Variants in SLC15A5 observed in about 807,000 individuals in gnomAD.
SLC15A5 encodes the protein solute carrier family 15 member 5.
In SLC15A5, 58 loss-of-function variants were observed where a neutral mutation model predicts 56.1. The observed-to-expected ratio is 1.03, with a 90% CI of 0.84 to 1.29. SLC15A5 has a LOEUF of 1.29. SLC15A5 is among the 50% of genes most tolerant of loss of function. The pLI, the probability that SLC15A5 is intolerant of heterozygous loss-of-function variation, is 0.00. For synonymous variants in SLC15A5, 264 were observed against 250.5 expected (o/e 1.05, Z -0.51); for missense variants, 681 against 672.1 (o/e 1.01, Z -0.15).
intron 5 of SLC15A5, among the ~76,000 whole-genome samples, chr12:16,232,628 A>T (rs1864309505): frequency 6.6e-6 from 1 of 152,128 alleles, no homozygotes; most frequent in African/African-American, 2.4e-5. Flanking sequence ...AAAGCAATGG[A>T]CTTCTGGCCA....
chr12:16,200,575 C>G (rs189254972), intron 7 of SLC15A5, among the ~76,000 whole-genome samples: 1 of 152,168 alleles, frequency 6.6e-6, no homozygotes, highest in Non-Finnish European at 1.5e-5. Flanking sequence ...ATTTCACCCT[C>G]TTACAGAAGT....
chr12:16,254,618 C>T (rs145752702), intron 3 of SLC15A5, among the ~76,000 whole-genome samples: 3 of 152,114 alleles, frequency 2.0e-5, no homozygotes, highest in African/African-American at 7.2e-5. Context: ...AGACTGATTC[C>T]ATATCTCAGC....
intron 7 of SLC15A5, among the ~76,000 whole-genome samples, chr12:16,200,575 C>T (rs189254972): frequency 6.6e-6 from 1 of 152,050 alleles, no homozygotes; most frequent in Non-Finnish European, 1.5e-5. Context: ...ATTTCACCCT[C>T]TTACAGAAGT....
In SLC15A5 at chr12:16,189,626, A is replaced by T; in HGVS notation, c.*42T>A. The T allele has an allele frequency of 7.3e-7, 1 of 1,379,052 alleles. No homozygotes were observed. The highest frequency in any genetic ancestry group is 9.4e-7 in the Non-Finnish European group (1 of 1,065,888). 85.4% of individuals were successfully genotyped at this position (1,379,052 alleles called of 1,614,324 possible). On this transcript the variant is annotated 3_prime_UTR_variant, in exon 9 of 9. Transcript: ENST00000344941. ...AAATGCTCAACTGAAGAAGAAAACA[A>T]TGAATACTGTTCTCATAAGACAGGT...
rs1864713719 is a variant in SLC15A5 at position 16,268,063 on chromosome 12, C to G, written c.584+4498G>C. Among the ~76,000 whole-genome samples the G allele has an allele frequency of 1.7e-5, 2 of 114,386 alleles. 1 individual carries two copies. Among genetic ancestry groups the G allele is most frequent in the Non-Finnish European group, 3.7e-5 (2 of 54,194 alleles). 75.0% of individuals were successfully genotyped at this position (114,386 alleles called of 152,430 possible). On this transcript the variant is annotated intron_variant, in intron 2 of 8. Coordinates refer to ENST00000344941, the MANE Select transcript of SLC15A5 (RefSeq NM_001170798.1). ...ACCCAAATTTTAACAGTTGTCCTGA[C>G]TCATGTACCTTTCAAGCTTAAAAGA...
intron 6 of SLC15A5, among the ~76,000 whole-genome samples, chr12:16,223,924 G>A (rs138326686): frequency 0.011 from 1,649 of 152,218 alleles, 14 homozygotes; most frequent in Middle Eastern, 0.024. Context: ...CACCATGTTG[G>A]CCAGGATGGT....
chr12:16,258,584 A>G (rs908016092), intron 2 of SLC15A5, among the ~76,000 whole-genome samples: 13 of 152,202 alleles, frequency 8.5e-5, no homozygotes, highest in African/African-American at 2.9e-4. Context: ...TAAATGCAAT[A>G]AAATTTACTC....
chr12:16,231,505 G>A lies in SLC15A5; in HGVS notation c.1163-6903C>T, dbSNP rs562864882. 2.6e-5 allele frequency among the ~76,000 whole-genome samples: 4 copies of A among 152,262 alleles called. No individual in the cohort carries two copies. The East Asian group carries it at 7.7e-4, about 29-fold the overall frequency. On this transcript the variant is annotated intron_variant, in intron 5 of 8. Coordinates refer to ENST00000344941, the MANE Select transcript of SLC15A5 (RefSeq NM_001170798.1). ...GACCCTAATCCTCCTAATCCCCTGA[G>A]GAATCATTTAGAAGCTCATGACTTG...
chr12:16,236,739 G>A (rs10744107), intron 5 of SLC15A5, among the ~76,000 whole-genome samples: 69,031 of 151,884 alleles, frequency 0.45, 15,888 homozygotes, highest in South Asian at 0.63. Context: ...CGAATACCTG[G>A]ATGTGGAAGG....
chr12:16,188,681 A>G lies in SLC15A5; in HGVS notation c.*987T>C, dbSNP rs1242494230. 6.6e-6 allele frequency: 1 copy of G among 152,180 alleles called. No individual in the cohort carries two copies. Among genetic ancestry groups the G allele is most frequent in the African/African-American group, 2.4e-5 (1 of 41,446 alleles). The allele number at this position is 152,180 out of a possible 1,614,324, so 9.4% of individuals were successfully genotyped here. A position where few individuals can be genotyped will look rare whatever the true frequency, so the allele number is the denominator to read the frequency against. On this transcript the variant is annotated 3_prime_UTR_variant, in exon 9 of 9. Transcript: ENST00000344941. ...TTGGGTGTGCTTATTAAAACCACCA[A>G]TTGCTGGACCCCAATCTCAAAAAAA...
At chr12:16,191,846 A>G (rs1863840885) in intron 8 of SLC15A5, among the ~76,000 whole-genome samples, 2 of 152,104 alleles carry the variant, frequency 1.3e-5, no homozygotes, top group Non-Finnish European at 2.9e-5. Context: ...AATTTTCCAG[A>G]ATCTCCTTAC....
rs953083119 is a variant in SLC15A5, at chr12:16,196,874, G to T, written c.1484-2421C>A. Among the ~76,000 whole-genome samples, 7 of 151,954 alleles carry T rather than the reference G, an allele frequency of 4.6e-5. No homozygotes were observed. The highest frequency in any genetic ancestry group is 3.3e-4 in the Admixed American group (5 of 15,210). On this transcript the variant is annotated intron_variant, in intron 7 of 8. Coordinates refer to ENST00000344941, the MANE Select transcript of SLC15A5 (RefSeq NM_001170798.1). The surrounding 1 kb of genome is among the most constrained non-coding windows in gnomAD (Gnocchi z 4.0). ...AATTGTTTCATTATGGCAAATACCA[G>T]CCTTTTGGGAGATACTACTAGATCC...
Position 16,229,647 on chromosome 12 carries a change from T to TACACACACACAC in SLC15A5, c.1163-5057_1163-5046dup, listed in dbSNP as rs71438372. On this transcript the variant is annotated intron_variant, in intron 5 of 8. Transcript: ENST00000344941. ...GTTCAAAGTAAGCAACACACACACATACACACACACACACACACACACACA... is the reference window on the plus strand; with the variant it reads ...GTTCAAAGTAAGCAACACACACACATACACACACACACACACACACACACACACACACACACA... 2.8e-3 allele frequency among the ~76,000 whole-genome samples: 400 copies of TACACACACACAC among 144,382 alleles called. 6 individuals are homozygous for TACACACACACAC. The highest frequency in any genetic ancestry group is 9.1e-3 in the African/African-American group (352 of 38,892). The allele number at this position is 144,382 out of a possible 152,430, so 94.7% of individuals were successfully genotyped here.
At chr12:16,273,679 G>C (rs1864786256) in intron 1 of SLC15A5, among the ~76,000 whole-genome samples, 2 of 151,020 alleles carry the variant, frequency 1.3e-5, no homozygotes, top group South Asian at 2.1e-4. Flanking sequence ...ATGTTATAAA[G>C]TAACCCAGTT....
chr12:16,240,134 T>C (rs181491027), intron 4 of SLC15A5, among the ~76,000 whole-genome samples: 105 of 152,270 alleles, frequency 6.9e-4, no homozygotes, highest in African/African-American at 2.5e-3. Context: ...TGAAAAGTAA[T>C]GATGGCCCCA....
rs546731106 is a variant in SLC15A5 at position 16,270,563 on chromosome 12, A to G, written c.584+1998T>C. Reference sequence around the variant, plus strand: ...TATCCATGATTTAGCAATAATCATAACAATAGCTATCATAATTTGATACCT... The same window carrying G: ...TATCCATGATTTAGCAATAATCATAGCAATAGCTATCATAATTTGATACCT... On this transcript the variant is annotated intron_variant, in intron 2 of 8. Coordinates refer to ENST00000344941, the MANE Select transcript of SLC15A5 (RefSeq NM_001170798.1). Among the ~76,000 whole-genome samples the G allele has an allele frequency of 1.2e-4, 18 of 152,318 alleles. 1 individual carries two copies. In the South Asian group the frequency reaches 3.3e-3, roughly 28 times the overall value.
Position 16,256,925 on chromosome 12 carries a change from GATAGA to G in SLC15A5, c.754+771_754+775del, listed in dbSNP as rs1208087629. ...GAGATGCATGGGGAATAGATAGATA[GATAGA>G]TAGATAGATAGATAGATAGATAGTT... On this transcript the variant is annotated intron_variant, in intron 3 of 8. Transcript: ENST00000344941. Among the ~76,000 whole-genome samples, 474 of 140,748 alleles carry G rather than the reference GATAGA, an allele frequency of 3.4e-3. 3 individuals are homozygous for G. Among genetic ancestry groups the G allele is most frequent in the African/African-American group, 0.012 (462 of 39,146 alleles). 92.3% of individuals were successfully genotyped at this position (140,748 alleles called of 152,430 possible). A position where few individuals can be genotyped will look rare whatever the true frequency, so the allele number is the denominator to read the frequency against.
chr12:16,224,409 C>T lies in SLC15A5; in HGVS notation c.1351+5G>A, dbSNP rs1298915044. 6.5e-7 allele frequency: 1 copy of T among 1,536,582 alleles called. No homozygotes were observed. Among genetic ancestry groups the T allele is most frequent in the Admixed American group, 2.0e-5 (1 of 50,926 alleles). On this transcript the variant is annotated splice_donor_5th_base_variant and intron_variant, in intron 6 of 8. Transcript: ENST00000344941. ...CTAACATTAGTTGAAAAGGTGTTTA[C>T]TCACGGGCTGGGTTTACCAGTGTTT...
chr12:16,206,084 G>A (rs1259675322), intron 7 of SLC15A5, among the ~76,000 whole-genome samples: 1 of 152,158 alleles, frequency 6.6e-6, no homozygotes, highest in Non-Finnish European at 1.5e-5. Context: ...GAGCGAAAAA[G>A]GGTGCAATTA....
Sources: gnomAD v4.1 joint callset for allele counts (sites outside exome capture counted in the v4.1 genomes callset) on GRCh38, gnomAD v4.1.1 for gene constraint, Gnocchi (gnomAD v3.1) non-coding constraint, MANE v1.5 for transcripts, NCBI Gene and HGNC (gene_info 2026-07-23, HGNC 2026-07-21) for gene names.